ARID1B: variants seen among roughly 807,000 people sequenced by gnomAD.
The protein encoded by ARID1B is AT-rich interaction domain 1B.
Under a neutral mutation model 212.3 loss-of-function variants are expected in ARID1B, and 30 were observed. The observed-to-expected ratio is 0.14, with a 90% CI of 0.11 to 0.19. ARID1B has a LOEUF of 0.19. Ranked by LOEUF, ARID1B falls within the 10% of genes least tolerant of loss-of-function variation. The pLI is 1.00. For synonymous variants in ARID1B, 1,402 were observed against 1,301.7 expected, an observed-to-expected ratio of 1.08 and a Z score of -1.66; for missense variants, 2,891 against 3,204.0, an observed-to-expected ratio of 0.90 and a Z score of 2.36.
Position 157,178,516 on chromosome 6 carries a change from C to T in ARID1B, c.3505-2453C>T, listed in dbSNP as rs564059195. On this transcript the variant is annotated intron_variant, in intron 11 of 19. Coordinates refer to ENST00000636930, the MANE Select transcript of ARID1B (RefSeq NM_001374828.1). ...CTGGTTCAGCTAAGTGAGCCAGCCT[C>T]GGGAGGCCTCTTCCGAATTTATCAC... 2.0e-3 allele frequency among the ~76,000 whole-genome samples: 308 copies of T among 152,306 alleles called. 1 individual carries two copies. Among genetic ancestry groups the T allele is most frequent in the African/African-American group, 7.1e-3 (296 of 41,546 alleles).
At chr6:157,123,265 ACT>A (rs1414491700) in intron 6 of ARID1B, among the ~76,000 whole-genome samples, 5 of 90,704 alleles carry the variant, frequency 5.5e-5, no homozygotes, top group Non-Finnish European at 1.0e-4. Context: ...ACACAAGCAA[ACT>A]CTGGGGAATC....
At chr6:157,044,862 A>G (rs1351090136) in intron 4 of ARID1B, among the ~76,000 whole-genome samples, 1 of 152,340 alleles carries the variant, frequency 6.6e-6, no homozygotes, top group East Asian at 1.9e-4. Flanking sequence ...CACAGTGCAT[A>G]GAGAGAGGCG....
At chr6:156,932,525 A>C (rs1342913266) in intron 3 of ARID1B, among the ~76,000 whole-genome samples, 1 of 152,252 alleles carries the variant, frequency 6.6e-6, no homozygotes, top group Non-Finnish European at 1.5e-5. Flanking sequence ...GTAATGTTTT[A>C]AAGTGTAAAG....
chr6:157,089,877 T>C (rs1785172849), intron 5 of ARID1B, among the ~76,000 whole-genome samples: 1 of 151,300 alleles, frequency 6.6e-6, no homozygotes, highest in African/African-American at 2.4e-5. Context: ...AATGATCCCA[T>C]CACGTTGCAC....
rs1376214008 is a variant in ARID1B at position 156,779,435 on chromosome 6, C to T, written c.1755C>T (p.Ser585=). 6 of 1,462,128 alleles carry T rather than the reference C, an allele frequency of 4.1e-6. No individual in the cohort carries two copies. In the East Asian group the frequency reaches 8.8e-5, roughly 21 times the overall value. 90.6% of individuals were successfully genotyped at this position (1,462,128 alleles called of 1,614,324 possible). The change falls in exon 1 of 20, where the codon AGC becomes AGT. Residue 585 remains serine, a synonymous_variant. Coordinates refer to ENST00000636930, the MANE Select transcript of ARID1B (RefSeq NM_001374828.1). The part of the protein sequence containing the change: ...AAQQRSHPAM[S]PGTPGPTMGR... ...AACAAAGGAGTCACCCGGCGATGAG[C>T]CCCGGCACCCCCGGACCGACCATGG...
At chr6:156,866,257 T>C (rs144663349) in intron 2 of ARID1B, among the ~76,000 whole-genome samples, 10 of 152,276 alleles carry the variant, frequency 6.6e-5, no homozygotes, top group Middle Eastern at 3.4e-3. Context: ...TTTGCTCTTC[T>C]ACGAGGAGGA....
Position 157,190,456 on chromosome 6 carries a change from GATACCTGCCACCTCCTT to G in ARID1B, c.4231+248_4231+264del, listed in dbSNP as rs1194697403. 6.6e-6 allele frequency among the ~76,000 whole-genome samples: 1 copy of G among 152,204 alleles called. No homozygotes were observed. The highest frequency in any genetic ancestry group is 1.5e-5 in the Non-Finnish European group (1 of 68,034). On this transcript the variant is annotated intron_variant, in intron 15 of 19. Transcript: ENST00000636930. The surrounding 1 kb of genome is among the most constrained non-coding windows in gnomAD (Gnocchi z 4.6). ...CCCTGGCACATGCTCCCTGTTTCCG[GATACCTGCCACCTCCTT>G]ACACGTGCCAAGTTACGTTCCTCAT...
intron 4 of ARID1B, among the ~76,000 whole-genome samples, chr6:157,025,540 A>G (rs530645602): frequency 3.3e-5 from 5 of 152,306 alleles, no homozygotes; most frequent in African/African-American, 1.2e-4. Flanking sequence ...CTTTTCCAGA[A>G]TGTCATATGA....
At chr6:157,096,349 G>A (rs1027473530) in intron 5 of ARID1B, among the ~76,000 whole-genome samples, 44 of 152,178 alleles carry the variant, frequency 2.9e-4, no homozygotes, top group Non-Finnish European at 5.3e-4. Flanking sequence ...GAATTCAAAA[G>A]GAGAGAGTTC....
At position 156,951,400 on chromosome 6, in the gene ARID1B, G is replaced by C. The variant is rs936531359; in HGVS notation, c.2247+15824G>C. Reference sequence around the variant, plus strand: ...ACTAGCAAAGTAAAGGGGAAAAATTGGGATTACCTAATTATTAAAGTAAAA... The same window carrying C: ...ACTAGCAAAGTAAAGGGGAAAAATTCGGATTACCTAATTATTAAAGTAAAA... On this transcript the variant is annotated intron_variant, in intron 4 of 19. Coordinates refer to ENST00000636930, the MANE Select transcript of ARID1B (RefSeq NM_001374828.1). Among the ~76,000 whole-genome samples the C allele has an allele frequency of 2.5e-4, 38 of 151,996 alleles. 1 individual carries two copies. Among genetic ancestry groups the C allele is most frequent in the Admixed American group, 1.6e-3 (25 of 15,256 alleles).
intron 6 of ARID1B, among the ~76,000 whole-genome samples, chr6:157,124,997 G>C (rs1195903763): frequency 6.6e-6 from 1 of 152,176 alleles, no homozygotes; most frequent in Admixed American, 6.5e-5. Flanking sequence ...GCAGGGACTT[G>C]CAGGTCTGAA....
chr6:157,159,437 C>T (rs1790783000), intron 8 of ARID1B, among the ~76,000 whole-genome samples: 1 of 152,156 alleles, frequency 6.6e-6, no homozygotes, highest in Non-Finnish European at 1.5e-5. Context: ...GATCAGTGAG[C>T]TGCTTTAGGA....
chr6:157,049,074 T>C (rs1782420527), intron 4 of ARID1B, among the ~76,000 whole-genome samples: 1 of 150,800 alleles, frequency 6.6e-6, no homozygotes, highest in Non-Finnish European at 1.5e-5. Flanking sequence ...CTCAGGAGGC[T>C]GAGGCACAAG....
intron 2 of ARID1B, among the ~76,000 whole-genome samples, chr6:156,876,574 C>T (rs1309246333): frequency 6.6e-6 from 1 of 152,208 alleles, no homozygotes; most frequent in Non-Finnish European, 1.5e-5. Context: ...TGGCACTGCT[C>T]AATCTCTTAA....
intron 5 of ARID1B, among the ~76,000 whole-genome samples, chr6:157,102,401 T>A (rs1562619305): frequency 1.3e-5 from 2 of 152,180 alleles, no homozygotes; most frequent in South Asian, 4.1e-4. Context: ...AGTCTTAGAC[T>A]TTTGCCTGCA....
At chr6:157,092,767 A>G (rs1785356990) in intron 5 of ARID1B, among the ~76,000 whole-genome samples, 1 of 152,166 alleles carries the variant, frequency 6.6e-6, no homozygotes. Context: ...CCCTTTCTCT[A>G]TTCTTCTGTG....
Position 157,148,917 on chromosome 6 carries a change from G to C in ARID1B, c.3055G>C (p.Val1019Leu). Residue 1019 changes from valine (V) to leucine (L), a missense_variant, in exon 8 of 20, where the codon GTG becomes CTG. Coordinates refer to ENST00000636930, the MANE Select transcript of ARID1B (RefSeq NM_001374828.1). This position sits in a 1 kb window ranked among gnomAD's most constrained non-coding sequence, Gnocchi z 5.6. ...TAAGGCACAGGAGGCAGCCGCAGCAGTGATGCAGGCTGCTGCGAACTCAGC... is the reference window on the plus strand; with the variant it reads ...TAAGGCACAGGAGGCAGCCGCAGCACTGATGCAGGCTGCTGCGAACTCAGC... ...NRKAQEAAAA[V>L]MQAAANSAQS... The C allele has an allele frequency of 6.2e-7, 1 of 1,612,664 alleles. No homozygotes were observed. The highest frequency in any genetic ancestry group is 8.5e-7 in the Non-Finnish European group (1 of 1,179,802).
rs563695910 is a variant in ARID1B at position 156,879,943 on chromosome 6, A to G, written c.1987-21433A>G. 3.3e-5 allele frequency among the ~76,000 whole-genome samples: 5 copies of G among 152,372 alleles called. No homozygotes were observed. In the South Asian group the frequency reaches 1.0e-3, roughly 32 times the overall value. ...CAACAAAATCTCAAACCCTTTCTGC[A>G]GCAGCAGATGGCAAACAGTGATCAG... On this transcript the variant is annotated intron_variant, in intron 2 of 19. Transcript: ENST00000636930.
intron 4 of ARID1B, among the ~76,000 whole-genome samples, chr6:157,036,101 T>C (rs1033838530): frequency 2.6e-5 from 4 of 152,232 alleles, no homozygotes; most frequent in African/African-American, 9.7e-5. Context: ...CCTTCTTTCC[T>C]TGTTCTTTTC....
Sources: gnomAD v4.1 joint callset for allele counts (sites outside exome capture counted in the v4.1 genomes callset) on GRCh38, gnomAD v4.1.1 for gene constraint, Gnocchi (gnomAD v3.1) non-coding constraint, MANE v1.5 for transcripts, NCBI Gene and HGNC (gene_info 2026-07-23, HGNC 2026-07-21) for gene names.